UTP11: variants seen among roughly 807,000 people sequenced by gnomAD.
The protein encoded by UTP11 is probable U3 small nucleolar RNA-associated protein 11.
UTP11 carries 29 observed loss-of-function variants against 39.0 expected under a neutral mutation model. The ratio of observed to expected loss-of-function variants is 0.74; its 90% CI spans 0.55 to 1.01. The LOEUF is 1.01. UTP11 is among the 50% of genes least tolerant of loss of function. The pLI is 0.00. For synonymous variants in UTP11, 111 were observed against 105.0 expected (o/e 1.06, Z -0.35); for missense variants, 281 against 306.0 (o/e 0.92, Z 0.61).
chr1:38,017,509 G>A, intron 2 of UTP11, 159 bp from the exon 3 acceptor site: 1 of 522,708 alleles, frequency 1.9e-6, no homozygotes, highest in East Asian at 3.3e-5. Flanking sequence ...CTCAGTGACA[G>A]TGGAGTGTCC....
intron 6 of UTP11, 55 bp downstream of exon 6, chr1:38,019,438 TTTTTG>T: frequency 1.5e-6 from 2 of 1,376,256 alleles, no homozygotes; most frequent in East Asian, 2.6e-5. Flanking sequence ...AGGTGTTTTT[TTTTTG>T]TTTTTTTTTT....
chr1:38,022,029 A>C (rs1415595328), intron 6 of UTP11, among the ~76,000 whole-genome samples: 1 of 152,210 alleles, frequency 6.6e-6, no homozygotes, highest in Non-Finnish European at 1.5e-5. Context: ...GCTTCTGCTG[A>C]AAAAATTCTT....
chr1:38,019,751 C>T (rs182704794), intron 6 of UTP11, among the ~76,000 whole-genome samples: 23 of 152,086 alleles, frequency 1.5e-4, no homozygotes, highest in African/African-American at 4.8e-4. Context: ...CCCAAAGTGT[C>T]GGGATTACAA....
At chr1:38,012,907 A>G (rs1292536732) in intron 1 of UTP11, 42 bp downstream of exon 1, 2 of 1,613,536 alleles carry the variant, frequency 1.2e-6, no homozygotes, top group South Asian at 1.1e-5. Flanking sequence ...CTTTGTCGCC[A>G]TGTGTTACCC....
chr1:38,019,169 G>C lies in UTP11; in HGVS notation c.436+17G>C, dbSNP rs778506364. Reference sequence around the variant, plus strand: ...AAAAGGAAGGTATGAAATGTTTGAAGGTTTCTGGGACAGTCTACCATGCCA... The same window carrying C: ...AAAAGGAAGGTATGAAATGTTTGAACGTTTCTGGGACAGTCTACCATGCCA... On this transcript the variant is annotated intron_variant, in intron 5 of 7. Transcript: ENST00000373014. The C allele has an allele frequency of 6.2e-7, 1 of 1,613,902 alleles. No individual in the cohort carries two copies. The highest frequency in any genetic ancestry group is 8.5e-7 in the Non-Finnish European group (1 of 1,179,934).
rs368204385 is a variant in UTP11 at position 38,012,753 on chromosome 1, G to C, written c.-50G>C. 5 of 1,611,448 alleles carry C rather than the reference G, an allele frequency of 3.1e-6. No individual in the cohort carries two copies. The African/African-American group carries it at 5.3e-5, about 17-fold the overall frequency. On this transcript the variant is annotated 5_prime_UTR_variant, in exon 1 of 8. Transcript: ENST00000373014. ...GGAATCAGTGGACTTGGCGGCAGAG[G>C]CAGTGCGGATCCGGCGTTCTCCACT...
chr1:38,017,894 C>G (rs1035510426), intron 3 of UTP11, 124 bp downstream of exon 3: 6 of 838,456 alleles, frequency 7.2e-6, no homozygotes, highest in Non-Finnish European at 3.7e-6. Flanking sequence ...TCCAGGTGCT[C>G]TTGGTCAGTG....
Position 38,019,327 on chromosome 1 carries a change from A to G in UTP11, c.511A>G (p.Ile171Val), listed in dbSNP as rs1456376476. ...CGACAGAGTCTTTAATAGGCCCAGGATAGAGACCTTGCAGAAAGAAAAAGT... is the reference window on the plus strand; with the variant it reads ...CGACAGAGTCTTTAATAGGCCCAGGGTAGAGACCTTGCAGAAAGAAAAAGT... ...LVDRVFNRPR[I>V]ETLQKEKVKG... The change falls in exon 6 of 8, where the codon ATA becomes GTA. Residue 171 changes from isoleucine to valine, a missense_variant. Transcript: ENST00000373014. 1 of 1,613,920 alleles carries G rather than the reference A, an allele frequency of 6.2e-7. No homozygotes were observed. The highest frequency in any genetic ancestry group is 8.5e-7 in the Non-Finnish European group (1 of 1,179,992).
intron 1 of UTP11, among the ~76,000 whole-genome samples, chr1:38,015,691 A>G (rs1250115449): frequency 6.6e-6 from 1 of 152,206 alleles, no homozygotes; most frequent in Non-Finnish European, 1.5e-5. Flanking sequence ...CTCCAAGTCT[A>G]CGTCAGAGAA....
rs372932224 is a variant in UTP11 at position 38,024,463 on chromosome 1, C to T, written c.*835C>T. The T allele has an allele frequency of 2.8e-5, 4 of 142,004 alleles. No individual in the cohort carries two copies. The highest frequency in any genetic ancestry group is 4.5e-5 in the Non-Finnish European group (3 of 66,684). The allele number at this position is 142,004 out of a possible 1,614,324, so 8.8% of individuals were successfully genotyped here. On this transcript the variant is annotated 3_prime_UTR_variant, in exon 8 of 8. Coordinates refer to ENST00000373014, the MANE Select transcript of UTP11 (RefSeq NM_016037.4). ...CAGGCCGGACTGCGGACTGCAGTGG[C>T]GCAATCTCGGCTCACTGCAAGCTCC... is the stretch of plus-strand genomic sequence containing the variant.
At chr1:38,019,228 C>T in intron 5 of UTP11, 25 bp from the exon 6 acceptor site, 3 of 1,613,964 alleles carry the variant, frequency 1.9e-6, no homozygotes, top group Admixed American at 1.7e-5. Flanking sequence ...ACCGACAGTG[C>T]CTTAAGGATT....
intron 2 of UTP11, chr1:38,016,628 C>G (rs981747482): frequency 3.7e-6 from 2 of 544,368 alleles, no homozygotes; most frequent in Non-Finnish European, 6.6e-6. Context: ...ACTGTAGTTG[C>G]ATTGTGAATT....
chr1:38,019,843 G>A (rs984358812), intron 6 of UTP11, among the ~76,000 whole-genome samples: 4 of 152,090 alleles, frequency 2.6e-5, no homozygotes, highest in Non-Finnish European at 4.4e-5. Flanking sequence ...GGATTTGTAG[G>A]ATGATTTGAT....
intron 1 of UTP11, among the ~76,000 whole-genome samples, chr1:38,016,000 C>T (rs1031210844): frequency 6.6e-6 from 1 of 152,208 alleles, no homozygotes; most frequent in Non-Finnish European, 1.5e-5. Context: ...CAGTTGCCTC[C>T]CTGTTACTAT....
intron 2 of UTP11, 50 bp from the exon 3 acceptor site, chr1:38,017,617 AT>A: frequency 1.5e-6 from 2 of 1,372,638 alleles, no homozygotes; most frequent in Non-Finnish European, 1.9e-6. Context: ...GTTTTTTAAA[AT>A]TATCTATTTT....
Position 38,019,247 on chromosome 1 carries a change from T to C in UTP11, c.437-6T>C. ...ACAGTGCCTTAAGGATTGTCTTGAA[T>C]TTTAGTTGAACAGTTTGATGTCGCA... is the stretch of plus-strand genomic sequence containing the variant. On this transcript the variant is annotated splice_region_variant and splice_polypyrimidine_tract_variant and intron_variant, in intron 5 of 7. Coordinates refer to ENST00000373014, the MANE Select transcript of UTP11 (RefSeq NM_016037.4). 6.2e-7 allele frequency: 1 copy of C among 1,614,082 alleles called. No individual in the cohort carries two copies.
intron 6 of UTP11, 85 bp downstream of exon 6, chr1:38,019,468 T>A: frequency 8.4e-7 from 1 of 1,194,778 alleles, no homozygotes; most frequent in Non-Finnish European, 1.1e-6. Context: ...CTACTGCATT[T>A]AAAATAATTT....
chr1:38,014,235 G>A (rs1468517512), intron 1 of UTP11, among the ~76,000 whole-genome samples: 2 of 152,234 alleles, frequency 1.3e-5, no homozygotes, highest in Non-Finnish European at 2.9e-5. Context: ...AGGGCTTTCA[G>A]AGCTGGCTGT....
intron 2 of UTP11, 21 bp from the exon 3 acceptor site, chr1:38,017,647 C>A: frequency 3.2e-6 from 4 of 1,238,834 alleles, no homozygotes; most frequent in Non-Finnish European, 3.2e-6. Context: ...TGCTATGAAC[C>A]TCATTTAACC....
Sources: allele counts gnomAD v4.1 joint callset (sites outside exome capture counted in the v4.1 genomes callset), GRCh38; gene constraint gnomAD v4.1.1; transcripts MANE v1.5; gene names NCBI Gene and HGNC (gene_info 2026-07-23, HGNC 2026-07-21).